The following CES1 variants were observed in gnomAD, a reference collection of about 807,000 sequenced individuals.
The protein encoded by CES1 is liver carboxylesterase 1.
Under a neutral mutation model 53.0 loss-of-function variants are expected in CES1, and 50 were observed. The observed-to-expected ratio is 0.94, with a 90% confidence interval of 0.75 to 1.19. The LOEUF (loss-of-function observed/expected upper bound fraction) is 1.19, where lower values mean the gene tolerates loss of function less well. CES1 is among the 50% of genes most tolerant of loss of function. The pLI, the probability that CES1 is intolerant of heterozygous loss-of-function variation, is 0.00. For synonymous variants in CES1, 202 were observed against 210.1 expected (o/e 0.96, Z 0.33); for missense variants, 534 against 538.0 (o/e 0.99, Z 0.07).
At chr16:55,828,212 A>T (rs556829235) in intron 2 of CES1, 1 of 194,688 alleles carries the variant, frequency 5.1e-6, no homozygotes, top group Admixed American at 5.3e-5. Context: ...CAGCTTGGCC[A>T]GGGTGAATGG....
intron 1 of CES1, among the ~76,000 whole-genome samples, chr16:55,832,520 G>A (rs1399896794): frequency 6.6e-6 from 1 of 152,212 alleles, no homozygotes; most frequent in African/African-American, 2.4e-5. Context: ...GAGGTAGGCA[G>A]CACTGCCACC....
intron 4 of CES1, among the ~76,000 whole-genome samples, chr16:55,821,965 C>T (rs1453933747): frequency 1.3e-5 from 2 of 152,232 alleles, no homozygotes; most frequent in African/African-American, 4.8e-5. Flanking sequence ...TTTTTGGAGG[C>T]AGTGACATTT....
rs566477870 is a variant in CES1, at chr16:55,819,747, G to A, written c.802-108C>T. 1.9e-4 allele frequency: 185 copies of A among 950,344 alleles called. 2 individuals are homozygous for A. In the South Asian group the frequency reaches 2.3e-3, roughly 12 times the overall value. The allele number at this position is 950,344 out of a possible 1,614,324, so 58.9% of individuals were successfully genotyped here. On this transcript the variant is annotated intron_variant, in intron 6 of 13. Coordinates refer to ENST00000360526, the MANE Select transcript of CES1 (RefSeq NM_001025195.2). ...GCCCAACTTGTACTAGTGGCAGGGA[G>A]CAGCAGAAGATACTGTAGACCCGTG...
intron 2 of CES1, among the ~76,000 whole-genome samples, chr16:55,828,517 A>G (rs2032504432): frequency 6.6e-6 from 1 of 152,092 alleles, no homozygotes; most frequent in South Asian, 2.1e-4. Flanking sequence ...CGCTCCAGGA[A>G]CCTAGGGATC....
At chr16:55,810,813 G>T in intron 10 of CES1, 114 bp downstream of exon 10, 1 of 1,402,522 alleles carries the variant, frequency 7.1e-7, no homozygotes, top group Middle Eastern at 1.9e-4. Context: ...GTGGAAAGAT[G>T]GGGGAAACCC....
intron 4 of CES1, among the ~76,000 whole-genome samples, chr16:55,822,805 A>G (rs4122238): frequency 0.81 from 122,356 of 151,146 alleles, 49,884 homozygotes; most frequent in Non-Finnish European, 0.85. Flanking sequence ...GCTGCTGGGA[A>G]GTCCTGAGAG....
At chr16:55,816,080 C>G (rs2031930494) in intron 8 of CES1, among the ~76,000 whole-genome samples, 1 of 152,284 alleles carries the variant, frequency 6.6e-6, no homozygotes, top group Non-Finnish European at 1.5e-5. Context: ...GAGCTTGGCT[C>G]AAATGCCACC....
At chr16:55,829,500 G>C (rs2032556931) in intron 1 of CES1, among the ~76,000 whole-genome samples, 1 of 152,262 alleles carries the variant, frequency 6.6e-6, no homozygotes, top group Admixed American at 6.5e-5. Context: ...TGGAGGAGCT[G>C]GGACTTGCGG....
chr16:55,815,409 G>C (rs1393416895), intron 8 of CES1, among the ~76,000 whole-genome samples: 2 of 152,198 alleles, frequency 1.3e-5, no homozygotes, highest in Admixed American at 6.5e-5. Context: ...AGGTGAAGTA[G>C]AAGAGGCTAA....
At chr16:55,825,381 C>A (rs1250293878) in intron 3 of CES1, among the ~76,000 whole-genome samples, 3 of 152,300 alleles carry the variant, frequency 2.0e-5, no homozygotes, top group East Asian at 3.9e-4. Context: ...GCCTCCTTTG[C>A]CAGCAGACCC....
rs200489319 is a variant in CES1 at position 55,819,609 on chromosome 16, T to C, written c.832A>G (p.Thr278Ala). The C allele has an allele frequency of 7.4e-6, 12 of 1,614,118 alleles. No individual in the cohort carries two copies. In the East Asian group the frequency reaches 2.7e-4, roughly 36 times the overall value. Residue 278 changes from threonine (T) to alanine (A), a missense_variant, in exon 7 of 14, where the codon ACC becomes GCC. Transcript: ENST00000360526. ...QIAITAGCKT[T>A]TSAVMVHCLR... Reference sequence around the variant, plus strand: ...CAGTGAACCATGACAGCAGAGGTGGTGGTTTTGCACCCAGCAGTGATAGCA... The same window carrying C: ...CAGTGAACCATGACAGCAGAGGTGGCGGTTTTGCACCCAGCAGTGATAGCA...
At chr16:55,813,578 T>C (rs866802841) in intron 8 of CES1, among the ~76,000 whole-genome samples, 625 of 148,194 alleles carry the variant, frequency 4.2e-3, no homozygotes, top group African/African-American at 0.015. Flanking sequence ...TAGCCCTTTC[T>C]ATCACAGCCT....
At position 55,833,049 on chromosome 16, in the gene CES1, G is replaced by T. The variant is rs765994983; in HGVS notation, c.7C>A (p.Leu3Ile). The change falls in exon 1 of 14, where the codon CTC becomes ATC. Residue 3 changes from leucine (L) to isoleucine (I), a missense_variant. By Grantham distance (5) the Leu-to-Ile change is conservative. Transcript: ENST00000360526. ...AGAGTGGCCAGGATAAAGGCACGGA[G>T]CCACATCGTGGAAGGGCGACAGTTC... is the stretch of plus-strand genomic sequence containing the variant. MW[L>I]RAFILATLSA... The T allele has an allele frequency of 1.9e-6, 3 of 1,558,514 alleles. No homozygotes were observed. The South Asian group carries it at 3.4e-5, about 18-fold the overall frequency.
At chr16:55,829,660 T>C (rs2032563463) in intron 1 of CES1, among the ~76,000 whole-genome samples, 1 of 151,932 alleles carries the variant, frequency 6.6e-6, no homozygotes, top group Admixed American at 6.5e-5. Context: ...CTGGGGGGAG[T>C]GGAAAATATT....
chr16:55,818,143 A>G (rs1335111302), intron 7 of CES1, among the ~76,000 whole-genome samples: 1 of 152,192 alleles, frequency 6.6e-6, no homozygotes, highest in Admixed American at 6.5e-5. Context: ...GAGAGAGTCC[A>G]GGCTACTCCT....
chr16:55,819,938 A>G (rs2032104154), intron 6 of CES1: 3 of 563,620 alleles, frequency 5.3e-6, no homozygotes, highest in East Asian at 5.9e-5. Context: ...TGGGATAGAG[A>G]GCATGGAATC....
intron 11 of CES1, among the ~76,000 whole-genome samples, chr16:55,808,900 G>A (rs1459742296): frequency 3.9e-5 from 6 of 151,922 alleles, no homozygotes; most frequent in South Asian, 4.1e-4. Context: ...ATCTTTAGAC[G>A]AAAACACAAA....
chr16:55,810,519 C>T lies in CES1; in HGVS notation c.1316G>A (p.Arg439Lys), dbSNP rs1333696655. Residue 439 changes from arginine (R) to lysine (K), a missense_variant and splice_region_variant, in exon 11 of 14, where the codon AGA becomes AAA. This residue lies in a region of CES1 where 269 missense variants were observed against 206.6 expected (regional missense o/e 1.30). Transcript: ENST00000360526. ...VPSVIVARNH[R>K]DAGAPTYMYE... The stretch of plus-strand genomic sequence containing the variant: ...CCCGTTCGACCTCTGGGACTCACCT[C>T]TGTGGTTCCGGGCCACAATCACAGA... The T allele has an allele frequency of 3.7e-6, 6 of 1,614,170 alleles. No homozygotes were observed. In the East Asian group the frequency reaches 1.3e-4, roughly 36 times the overall value.
chr16:55,812,913 A>C lies in CES1; in HGVS notation c.1076T>G (p.Leu359Trp). 1 of 1,614,154 alleles carries C rather than the reference A, an allele frequency of 6.2e-7. No homozygotes were observed. Among genetic ancestry groups the C allele is most frequent in the Non-Finnish European group, 8.5e-7 (1 of 1,180,034 alleles). ...VGINKQEFGW[L>W]IPMQLMSYPL... ...CATGTGCCTTCTCACCATTGGAATC[A>C]ACCAGCCAAACTCCTGCTTGTTAAT... The change falls in exon 9 of 14, where the codon TTG (leucine) becomes TGG (tryptophan). Residue 359 changes from leucine (L) to tryptophan (W), a missense_variant. Physicochemically the swap from Leu to Trp is moderately conservative, Grantham distance 61 (BLOSUM62 -2). This residue lies in a region of CES1 where 269 missense variants were observed against 206.6 expected (regional missense o/e 1.30). Transcript: ENST00000360526.
Sources: gnomAD v4.1 joint callset for allele counts (sites outside exome capture counted in the v4.1 genomes callset) on GRCh38, gnomAD v4.1.1 for gene constraint, gnomAD v4.1.1 regional missense constraint, MANE v1.5 for transcripts, NCBI Gene and HGNC (gene_info 2026-07-23, HGNC 2026-07-21) for gene names.